Variants in NCR1 observed in about 807,000 individuals in gnomAD.
NCR1 encodes NK cell-activating receptor.
In NCR1, 30 loss-of-function variants were observed where a neutral mutation model predicts 32.5. The ratio of observed to expected loss-of-function variants is 0.92; its 90% CI spans 0.69 to 1.25. The LOEUF is 1.25. Ranked by LOEUF, NCR1 falls within the 50% of genes most tolerant of loss-of-function variation. The pLI is 0.00. For synonymous variants in NCR1, 169 were observed against 143.4 expected (o/e 1.18, Z -1.28); for missense variants, 369 against 380.7 (o/e 0.97, Z 0.26).
At chr19:54,932,296 A>C in the NCR1 span, among the ~76,000 whole-genome samples, 16 of 151,912 alleles carry the variant, frequency 1.1e-4, no homozygotes, top group Admixed American at 2.0e-4. Flanking sequence ...GGCATGGTGG[A>C]GGGCACCTGT....
chr19:54,900,371 C>T, the NCR1 span, among the ~76,000 whole-genome samples: 2 of 151,974 alleles, frequency 1.3e-5, no homozygotes, highest in South Asian at 2.1e-4. Flanking sequence ...TGTTCTCTGG[C>T]GGGCAGGAGT....
chr19:54,901,575 A>G (rs1204295832), upstream of NCR1, among the ~76,000 whole-genome samples: 1 of 152,052 alleles, frequency 6.6e-6, no homozygotes, highest in African/African-American at 2.4e-5. Flanking sequence ...AGGCCGAGGC[A>G]GGTGGGAGGC....
downstream of NCR1, among the ~76,000 whole-genome samples, chr19:54,916,729 A>G (rs1350550757): frequency 2.1e-4 from 7 of 33,578 alleles, no homozygotes; most frequent in East Asian, 1.3e-3. Context: ...TTTTTTTTTG[A>G]GTCTCGCTCT....
the NCR1 span, among the ~76,000 whole-genome samples, chr19:54,926,898 A>C: frequency 2.9e-5 from 4 of 139,834 alleles, no homozygotes; most frequent in African/African-American, 5.4e-5. Context: ...CCTGGGGGAC[A>C]GAGAGAGACT....
At chr19:54,910,436 G>T (rs2067913035) in intron 5 of NCR1, among the ~76,000 whole-genome samples, 1 of 152,128 alleles carries the variant, frequency 6.6e-6, no homozygotes, top group South Asian at 2.1e-4. Flanking sequence ...CGGGCCTGGT[G>T]GTGCTCGCCT....
At chr19:54,903,412 ACG>A (rs1487038367), upstream of NCR1, among the ~76,000 whole-genome samples, 1,533 of 135,842 alleles carry the variant, frequency 0.011, 50 homozygotes, top group South Asian at 0.025. Context: ...GTATGTATAC[ACG>A]CATACATGTA....
At chr19:54,926,895 G>C in the NCR1 span, among the ~76,000 whole-genome samples, 1 of 133,126 alleles carries the variant, frequency 7.5e-6, no homozygotes, top group Admixed American at 7.7e-5. Context: ...CAGCCTGGGG[G>C]ACAGAGAGAG....
the NCR1 span, chr19:54,930,351 A>G: frequency 1.7e-5 from 11 of 656,276 alleles, no homozygotes; most frequent in Non-Finnish European, 2.2e-5. Context: ...AGAGCCAGCT[A>G]CTCAGGAGGC....
At chr19:54,932,921 A>G in the NCR1 span, among the ~76,000 whole-genome samples, 2 of 151,840 alleles carry the variant, frequency 1.3e-5, no homozygotes, top group Non-Finnish European at 2.9e-5. Flanking sequence ...GTTCCCCAAT[A>G]ACCTATGGAA....
chr19:54,930,721 G>A, the NCR1 span: 3 of 1,485,698 alleles, frequency 2.0e-6, no homozygotes, highest in Non-Finnish European at 2.8e-6. Context: ...AACGCCCTGT[G>A]AAGCAGTTAT....
At chr19:54,910,162 C>T (rs2067895366) in intron 5 of NCR1, 97 bp downstream of exon 5, 12 of 1,244,212 alleles carry the variant, frequency 9.6e-6, no homozygotes, top group Admixed American at 7.3e-5. Flanking sequence ...CGAGGCCAGG[C>T]GTGGTGGCTC....
chr19:54,935,269 G>A, the NCR1 span, among the ~76,000 whole-genome samples: 1 of 151,880 alleles, frequency 6.6e-6, no homozygotes, highest in Admixed American at 6.6e-5. Context: ...TCGCTCTGTT[G>A]CCCAGGCTGG....
upstream of NCR1, among the ~76,000 whole-genome samples, chr19:54,901,389 AG>A (rs1373093537): frequency 2.8e-5 from 4 of 145,186 alleles, no homozygotes; most frequent in African/African-American, 1.0e-4. Context: ...AAAAAAGATT[AG>A]TAATATCCTC....
At chr19:54,916,612 T>G (rs150876930), downstream of NCR1, among the ~76,000 whole-genome samples, 1 of 151,678 alleles carries the variant, frequency 6.6e-6, no homozygotes, top group African/African-American at 2.4e-5. Flanking sequence ...ACCCAGCTAC[T>G]TGTGCTTTTT....
intron 6 of NCR1, 45 bp downstream of exon 6, chr19:54,912,263 G>T (rs1468958137): frequency 2.5e-6 from 4 of 1,570,224 alleles, no homozygotes; most frequent in Non-Finnish European, 3.5e-6. Context: ...AAGGGGCTGG[G>T]CATAGAGTAG....
chr19:54,903,374 A>G (rs757282059), upstream of NCR1, among the ~76,000 whole-genome samples: 27 of 127,158 alleles, frequency 2.1e-4, no homozygotes, highest in South Asian at 6.7e-4. Flanking sequence ...ATGTATATAT[A>G]CATGTATGTA....
downstream of NCR1, among the ~76,000 whole-genome samples, chr19:54,919,723 C>CG (rs1043487828): frequency 5.4e-5 from 8 of 147,906 alleles, no homozygotes; most frequent in Non-Finnish European, 1.0e-4. Flanking sequence ...GACCCCCCCC[C>CG]CCACCCGCTG....
chr19:54,916,098 A>G (rs991792650), downstream of NCR1: 1 of 151,414 alleles, frequency 6.6e-6, no homozygotes, highest in East Asian at 1.9e-4. Context: ...TCCCCTCTCC[A>G]AGAGTGTAAT....
chr19:54,906,030 G>T, upstream of NCR1: 1 of 837,976 alleles, frequency 1.2e-6, no homozygotes. Context: ...CATGGTCAGA[G>T]GCGGAGGGGA....
Sources: allele counts gnomAD v4.1 joint callset (sites outside exome capture counted in the v4.1 genomes callset), GRCh38; gene constraint gnomAD v4.1.1; transcripts MANE v1.5; gene names NCBI Gene and HGNC (gene_info 2026-07-23, HGNC 2026-07-21).